TEAD2: variants seen among roughly 807,000 people sequenced by gnomAD.
TEAD2 encodes transcriptional enhancer factor TEF-4.
Under a neutral mutation model 61.4 loss-of-function variants are expected in TEAD2, and 51 were observed. That is an observed-to-expected ratio of 0.83 (90% CI 0.66 to 1.05). The LOEUF (loss-of-function observed/expected upper bound fraction) is 1.05. Among genes scored for constraint, TEAD2 ranks in the 50% least tolerant of loss-of-function variants. TEAD2 has a pLI of 0.00. For synonymous variants in TEAD2, 244 were observed against 243.2 expected (o/e 1.00, Z -0.03); for missense variants, 509 against 600.0 (o/e 0.85, Z 1.58).
chr19:49,355,426 G>C lies in TEAD2; in HGVS notation c.373-7C>G, dbSNP rs201074554. 1.9e-6 allele frequency: 3 copies of C among 1,612,952 alleles called. No homozygotes were observed. Among genetic ancestry groups the C allele is most frequent in the Non-Finnish European group, 2.5e-6 (3 of 1,179,050 alleles). The stretch of plus-strand genomic sequence containing the variant: ...TGTCCTTGGAAACCTGGTCCTGGAG[G>C]AGGAGGCGGAAGTTCATGTGAGAGG... On this transcript the variant is annotated splice_region_variant and splice_polypyrimidine_tract_variant and intron_variant, in intron 5 of 12. Transcript: ENST00000593945.
chr19:49,350,286 T>A (rs1285963413), intron 8 of TEAD2, among the ~76,000 whole-genome samples: 4 of 152,158 alleles, frequency 2.6e-5, no homozygotes, highest in African/African-American at 9.7e-5. Flanking sequence ...CTGGAACCAA[T>A]AAATCAATAC....
chr19:49,347,077 G>GT, intron 10 of TEAD2, 113 bp downstream of exon 10: 1 of 1,389,246 alleles, frequency 7.2e-7, no homozygotes, highest in Non-Finnish European at 9.9e-7. Context: ...GGACTGACTG[G>GT]TAAGTCCCAG....
Position 49,357,288 on chromosome 19 carries a change from G to A in TEAD2, c.324C>T (p.Ala108=). 1 of 1,613,296 alleles carries A rather than the reference G, an allele frequency of 6.2e-7. No homozygotes were observed. The highest frequency in any genetic ancestry group is 8.5e-7 in the Non-Finnish European group (1 of 1,179,926). The change falls in exon 4 of 13, where the codon GCC becomes GCT. Residue 108 remains alanine, a synonymous_variant. Coordinates refer to ENST00000593945, the MANE Select transcript of TEAD2 (RefSeq NM_001256660.2). ...ACTGGATTTCCCTTGATTTCCTTCG[G>A]GCCAAAACCTGGATGTGACTAGAAA... ...KQVSSHIQVL[A]RRKSREIQSK...
chr19:49,355,256 G>A, intron 6 of TEAD2, 50 bp from the exon 7 acceptor site: 1 of 1,613,368 alleles, frequency 6.2e-7, no homozygotes, highest in African/African-American at 1.3e-5. Context: ...GTGGACAGCT[G>A]CAGCCCCATC....
At chr19:49,354,596 TC>T (rs1399451573) in intron 7 of TEAD2, among the ~76,000 whole-genome samples, 2 of 151,824 alleles carry the variant, frequency 1.3e-5, no homozygotes, top group Non-Finnish European at 2.9e-5. Context: ...ACCTCAAGGC[TC>T]TCTCAGAACT....
Position 49,348,856 on chromosome 19 carries a change from A to G in TEAD2, c.605-11T>C. On this transcript the variant is annotated splice_polypyrimidine_tract_variant and intron_variant, in intron 8 of 12. Coordinates refer to ENST00000593945, the MANE Select transcript of TEAD2 (RefSeq NM_001256660.2). ...GGGGGGGCTCGTACCCTAGAGAGAGAGAAGAAAGAACAATACAAATTGCTA... is the reference window on the plus strand; with the variant it reads ...GGGGGGGCTCGTACCCTAGAGAGAGGGAAGAAAGAACAATACAAATTGCTA... The G allele has an allele frequency of 6.6e-7, 1 of 1,513,008 alleles. No homozygotes were observed. Among genetic ancestry groups the G allele is most frequent in the Non-Finnish European group, 8.8e-7 (1 of 1,135,284 alleles). 93.7% of individuals were successfully genotyped at this position (1,513,008 alleles called of 1,614,324 possible).
Position 49,359,613 on chromosome 19 carries a change from G to C in TEAD2, c.233-114C>G. 1 of 1,268,226 alleles carries C rather than the reference G, an allele frequency of 7.9e-7. No homozygotes were observed. 78.6% of individuals were successfully genotyped at this position (1,268,226 alleles called of 1,614,324 possible). A position where few individuals can be genotyped will look rare whatever the true frequency, so the allele number is the denominator to read the frequency against. ...GGTCCCCAAAGGTCTGCAGCAAGTG[G>C]GCTGCCGGTCCCCTCAGCTACGTGG... On this transcript the variant is annotated intron_variant, in intron 2 of 12. Transcript: ENST00000593945. This position sits in a 1 kb window ranked among gnomAD's most constrained non-coding sequence, Gnocchi z 4.1.
chr19:49,340,875 G>A lies in TEAD2; in HGVS notation c.*449C>T, dbSNP rs901126247. On this transcript the variant is annotated 3_prime_UTR_variant, in exon 13 of 13. Coordinates refer to ENST00000593945, the MANE Select transcript of TEAD2 (RefSeq NM_001256660.2). ...TGATCTCACAGGTCATGGAGTGAGG[G>A]TGGTAGAGAGGGGCAGAAATTTCAG... 5.0e-6 allele frequency: 1 copy of A among 200,602 alleles called. No individual in the cohort carries two copies. Among genetic ancestry groups the A allele is most frequent in the Non-Finnish European group, 1.0e-5 (1 of 97,256 alleles). The allele number at this position is 200,602 out of a possible 1,614,324, so 12.4% of individuals were successfully genotyped here.
intron 3 of TEAD2, among the ~76,000 whole-genome samples, chr19:49,358,636 C>CT (rs113776627): frequency 0.011 from 1,515 of 141,042 alleles, 19 homozygotes; most frequent in African/African-American, 0.031. Context: ...TTCTTTCTTT[C>CT]TTTTTTTTTT....
At chr19:49,342,765 C>T (rs1033923011) in intron 11 of TEAD2, among the ~76,000 whole-genome samples, 175 bp from the exon 12 acceptor site, 29 of 151,988 alleles carry the variant, frequency 1.9e-4, no homozygotes, top group African/African-American at 6.5e-4. Context: ...CTCGGAGATC[C>T]GAATCAGGAT....
intron 10 of TEAD2, among the ~76,000 whole-genome samples, chr19:49,346,984 G>T (rs1600718689): frequency 6.6e-6 from 1 of 152,308 alleles, no homozygotes; most frequent in East Asian, 1.9e-4. Flanking sequence ...GATCCAGGGA[G>T]GCCCAGACAC....
At position 49,342,426 on chromosome 19, in the gene TEAD2, C is replaced by T; in HGVS notation, c.1242+12G>A. ...CTGGGGGGCCCCACTCCAGCCCAGC[C>T]CCAGGCATCACCTGGAGGATGGTGA... On this transcript the variant is annotated intron_variant, in intron 12 of 12. Transcript: ENST00000593945. 1 of 1,611,586 alleles carries T rather than the reference C, an allele frequency of 6.2e-7. No individual in the cohort carries two copies. The highest frequency in any genetic ancestry group is 8.5e-7 in the Non-Finnish European group (1 of 1,177,912).
intron 7 of TEAD2, among the ~76,000 whole-genome samples, chr19:49,354,720 C>T (rs747244545): frequency 2.0e-5 from 3 of 152,142 alleles, no homozygotes; most frequent in Non-Finnish European, 2.9e-5. Flanking sequence ...CTAATAGAGG[C>T]TGGGCACGGT....
intron 1 of TEAD2, chr19:49,360,423 T>G: frequency 3.1e-6 from 1 of 325,844 alleles, no homozygotes; most frequent in Non-Finnish European, 5.6e-6. Flanking sequence ...GACTCCTGAG[T>G]CTGAGGGAGG....
At chr19:49,356,131 G>A in intron 4 of TEAD2, 161 bp from the exon 5 acceptor site, 1 of 481,664 alleles carries the variant, frequency 2.1e-6, no homozygotes. Context: ...AAGTGGAGGT[G>A]GCCAGCCCTG....
In TEAD2 at chr19:49,355,329, C is replaced by T. The variant is rs773285270; in HGVS notation, c.463G>A (p.Gly155Ser). 6.2e-7 allele frequency: 1 copy of T among 1,614,138 alleles called. No homozygotes were observed. The highest frequency in any genetic ancestry group is 1.3e-5 in the African/African-American group (1 of 75,038). ...ISAPSLQAKLGPTGPQASELF... is the reference protein window; with the variant it reads ...ISAPSLQAKLSPTGPQASELF... ...TGGACCACCTGAGGACCAGTGGGAC[C>T]CAGTTTGGCCTGCAGAGAAGGCGCG... Residue 155 changes from glycine (G) to serine (S), a missense_variant, in exon 6 of 13, where the codon GGT becomes AGT. Coordinates refer to ENST00000593945, the MANE Select transcript of TEAD2 (RefSeq NM_001256660.2).
intron 9 of TEAD2, 54 bp downstream of exon 9, chr19:49,348,649 T>G: frequency 6.8e-7 from 1 of 1,477,722 alleles, no homozygotes; most frequent in Admixed American, 1.7e-5. Context: ...ATTCCCTTCC[T>G]GTCACCCTCT....
chr19:49,360,391 A>C (rs948936300), intron 1 of TEAD2: 1 of 408,248 alleles, frequency 2.4e-6, no homozygotes, highest in African/African-American at 2.0e-5. Flanking sequence ...CCTGGGTGTG[A>C]GGGAGAAGGG....
Position 49,359,981 on chromosome 19 carries a change from C to CCCTCACTGCCGCCGGTACCCT in TEAD2, c.74_94dup (p.Glu25_Glu31dup). 1.2e-6 allele frequency: 2 copies of CCCTCACTGCCGCCGGTACCCT among 1,610,142 alleles called. No individual in the cohort carries two copies. The highest frequency in any genetic ancestry group is 1.7e-6 in the Non-Finnish European group (2 of 1,179,898). ...ATCCGGGCCCCCGTCACCCCCAGCC[C>CCCTCACTGCCGCCGGTACCCT]CCTCACTGCCGCCGGTACCCTCCTC... is the stretch of plus-strand genomic sequence containing the variant. On this transcript the variant is annotated inframe_insertion, in exon 2 of 13. Coordinates refer to ENST00000593945, the MANE Select transcript of TEAD2 (RefSeq NM_001256660.2). This position sits in a 1 kb window ranked among gnomAD's most constrained non-coding sequence, Gnocchi z 4.1.
Sources: allele counts gnomAD v4.1 joint callset (sites outside exome capture counted in the v4.1 genomes callset), GRCh38; gene constraint gnomAD v4.1.1; non-coding constraint Gnocchi (gnomAD v3.1); transcripts MANE v1.5; gene names NCBI Gene and HGNC (gene_info 2026-07-23, HGNC 2026-07-21).